The following IGSF9 variants were observed in gnomAD, a reference collection of about 807,000 sequenced individuals.
The protein encoded by IGSF9 is immunoglobulin superfamily member 9, also known as protein turtle homolog A.
IGSF9 carries 87 observed loss-of-function variants against 121.7 expected under a neutral mutation model. That is an observed-to-expected ratio of 0.71 (90% CI 0.60 to 0.85). IGSF9 has a LOEUF of 0.85. Ranked by LOEUF, IGSF9 falls within the 40% of genes least tolerant of loss-of-function variation. The pLI is 0.00. For synonymous variants in IGSF9, 640 were observed against 648.4 expected (o/e 0.99, Z 0.20); for missense variants, 1,462 against 1,565.3 (o/e 0.93, Z 1.11).
chr1:159,934,339 G>C lies in IGSF9; in HGVS notation c.962-7C>G, dbSNP rs546184038. 2 of 1,584,116 alleles carry C rather than the reference G, an allele frequency of 1.3e-6. No homozygotes were observed. Among genetic ancestry groups the C allele is most frequent in the Middle Eastern group, 3.3e-4 (2 of 6,010 alleles). ...GCTGTCACCTGGGCTGGGTCTGGGG[G>C]AAAGTAGTGGCAAGTTGGGGGAGAG... On this transcript the variant is annotated splice_polypyrimidine_tract_variant and splice_region_variant and intron_variant, in intron 8 of 20. Coordinates refer to ENST00000368094, the MANE Select transcript of IGSF9 (RefSeq NM_001135050.2).
In IGSF9 at chr1:159,927,048, A is replaced by C; in HGVS notation, c.*297T>G. The C allele has an allele frequency of 2.3e-5, 11 of 477,972 alleles. 1 individual carries two copies. In the South Asian group the frequency reaches 3.0e-4, roughly 13 times the overall value. The allele number at this position is 477,972 out of a possible 1,614,324, so 29.6% of individuals were successfully genotyped here. The stretch of plus-strand genomic sequence containing the variant: ...AGATAACACACAGAAACATCTTTCA[A>C]ACTTTGTTTATTCACCTGTAAAAAA... On this transcript the variant is annotated 3_prime_UTR_variant, in exon 21 of 21. Coordinates refer to ENST00000368094, the MANE Select transcript of IGSF9 (RefSeq NM_001135050.2).
Position 159,929,400 on chromosome 1 carries a change from G to A in IGSF9, c.2327-7C>T, listed in dbSNP as rs759165645. ...GAGAAGATAAGAGGTGGATCTGGAAGGGCATGAGAATAGTAGGTGACACAG... is the reference window on the plus strand; with the variant it reads ...GAGAAGATAAGAGGTGGATCTGGAAAGGCATGAGAATAGTAGGTGACACAG... On this transcript the variant is annotated splice_region_variant and splice_polypyrimidine_tract_variant and intron_variant, in intron 17 of 20. Coordinates refer to ENST00000368094, the MANE Select transcript of IGSF9 (RefSeq NM_001135050.2). 1.4e-5 allele frequency: 22 copies of A among 1,614,006 alleles called. No individual in the cohort carries two copies. The highest frequency in any genetic ancestry group is 1.6e-4 in the Middle Eastern group (1 of 6,078).
chr1:159,930,491 C>T (rs950708286), intron 14 of IGSF9, 52 bp from the exon 15 acceptor site: 1 of 1,518,362 alleles, frequency 6.6e-7, no homozygotes, highest in African/African-American at 1.4e-5. Flanking sequence ...CGCCCCTCCC[C>T]TGGCCTTCCA....
At chr1:159,940,240 G>A (rs983732397) in intron 3 of IGSF9, among the ~76,000 whole-genome samples, 4 of 152,236 alleles carry the variant, frequency 2.6e-5, no homozygotes, top group Non-Finnish European at 4.4e-5. Context: ...GGCACTGGGG[G>A]TAATCTATGT....
chr1:159,935,007 C>G (rs989936855), intron 6 of IGSF9, among the ~76,000 whole-genome samples, 185 bp from the exon 7 acceptor site: 2 of 152,168 alleles, frequency 1.3e-5, no homozygotes, highest in Non-Finnish European at 2.9e-5. Context: ...CTCCCTGAGA[C>G]CCATTCTTCT....
At position 159,934,802 on chromosome 1, in the gene IGSF9, GCAC is replaced by G; in HGVS notation, c.691_693del (p.Val231del). 6.2e-7 allele frequency: 1 copy of G among 1,614,128 alleles called. No homozygotes were observed. Among genetic ancestry groups the G allele is most frequent in the South Asian group, 1.1e-5 (1 of 91,084 alleles). On this transcript the variant is annotated inframe_deletion, in exon 7 of 21. Coordinates refer to ENST00000368094, the MANE Select transcript of IGSF9 (RefSeq NM_001135050.2). ...GCATTGACTGTGCTGTTCTTGGGGG[GCAC>G]CACGATGACTGGGGGTCCTGTGGGA...
chr1:159,927,475 C>T lies in IGSF9; in HGVS notation c.3410G>A (p.Gly1137Asp), dbSNP rs1045693563. Residue 1137 changes from glycine to aspartate, a missense_variant, in exon 21 of 21, where the codon GGC becomes GAC. This residue lies in a region of IGSF9 where 808 missense variants were observed against 815.2 expected (regional missense o/e 0.99). Transcript: ENST00000368094. ...GCLLNTAHVT[G>D]PEARCAALRE... ...AAGGGCAGCACAGCGGGCCTCAGGG[C>T]CAGTAACATGGGCAGTGTTCAGGAG... 6.2e-7 allele frequency: 1 copy of T among 1,614,094 alleles called. No homozygotes were observed. Among genetic ancestry groups the T allele is most frequent in the Non-Finnish European group, 8.5e-7 (1 of 1,180,018 alleles).
intron 6 of IGSF9, among the ~76,000 whole-genome samples, chr1:159,935,132 C>A (rs1373248469): frequency 1.3e-5 from 2 of 152,150 alleles, no homozygotes; most frequent in African/African-American, 4.8e-5. Context: ...CCATTTGTAT[C>A]CCTGCTTGTC....
intron 15 of IGSF9, 95 bp downstream of exon 15, chr1:159,930,094 G>A: frequency 1.3e-6 from 2 of 1,546,754 alleles, no homozygotes; most frequent in Non-Finnish European, 8.8e-7. Flanking sequence ...GAGGTGAAGA[G>A]CTCAAATCAA....
chr1:159,934,754 A>G lies in IGSF9; in HGVS notation c.742T>C (p.Cys248Arg). 1 of 1,614,190 alleles carries G rather than the reference A, an allele frequency of 6.2e-7. No homozygotes were observed. Among genetic ancestry groups the G allele is most frequent in the Non-Finnish European group, 8.5e-7 (1 of 1,180,024 alleles). The stretch of plus-strand genomic sequence containing the variant: ...TTAGCAGGGTATGCCTCAGCATGGC[A>G]GGCCAATGAAACATCCTGGGAGGCA... ...VNASQDVSLACHAEAYPANLT... is the reference protein window; with the variant it reads ...VNASQDVSLARHAEAYPANLT... Residue 248 changes from cysteine (C) to arginine (R), a missense_variant, in exon 7 of 21, where the codon TGC becomes CGC. By Grantham distance (180) the Cys-to-Arg change is radical. Coordinates refer to ENST00000368094, the MANE Select transcript of IGSF9 (RefSeq NM_001135050.2).
At chr1:159,935,767 G>A (rs1251723053) in intron 6 of IGSF9, among the ~76,000 whole-genome samples, 1 of 152,250 alleles carries the variant, frequency 6.6e-6, no homozygotes. Context: ...AGGCTCAGAG[G>A]CAGAGAGATT....
At position 159,934,801 on chromosome 1, in the gene IGSF9, G is replaced by T. The variant is rs773180717; in HGVS notation, c.695C>A (p.Pro232His). 1.5e-5 allele frequency: 25 copies of T among 1,614,128 alleles called. No individual in the cohort carries two copies. Among genetic ancestry groups the T allele is most frequent in the Non-Finnish European group, 1.4e-5 (17 of 1,179,992 alleles). ...GGCATTGACTGTGCTGTTCTTGGGG[G>T]GCACCACGATGACTGGGGGTCCTGT... is the stretch of plus-strand genomic sequence containing the variant. ...LVLGPPVIVV[P>H]PKNSTVNASQ... The change falls in exon 7 of 21, where the codon CCC becomes CAC. Residue 232 changes from proline (P) to histidine (H), a missense_variant. This residue lies in a region of IGSF9 where 558 missense variants were observed against 599.4 expected (regional missense o/e 0.93). Coordinates refer to ENST00000368094, the MANE Select transcript of IGSF9 (RefSeq NM_001135050.2).
At chr1:159,939,301 C>T (rs1651299564) in intron 3 of IGSF9, among the ~76,000 whole-genome samples, 1 of 152,158 alleles carries the variant, frequency 6.6e-6, no homozygotes, top group South Asian at 2.1e-4. Flanking sequence ...GATTGTAGCT[C>T]ACTGCAGCCT....
Position 159,932,109 on chromosome 1 carries a change from C to G in IGSF9, c.1246-181G>C. ...TCCATCTCTCAATTCCTCTCTGGCT[C>G]TGTTTCTGTTCCCCAGTGGGTAGGG... On this transcript the variant is annotated intron_variant, in intron 10 of 20. Coordinates refer to ENST00000368094, the MANE Select transcript of IGSF9 (RefSeq NM_001135050.2). The surrounding 1 kb of genome is among the most constrained non-coding windows in gnomAD (Gnocchi z 4.1). 1 of 579,384 alleles carries G rather than the reference C, an allele frequency of 1.7e-6. No homozygotes were observed. Among genetic ancestry groups the G allele is most frequent in the Admixed American group, 3.4e-5 (1 of 29,350 alleles). The allele number at this position is 579,384 out of a possible 1,614,324, so 35.9% of individuals were successfully genotyped here.
intron 1 of IGSF9, among the ~76,000 whole-genome samples, chr1:159,944,927 C>T (rs1021540268): frequency 6.6e-6 from 1 of 152,096 alleles, no homozygotes; most frequent in Non-Finnish European, 1.5e-5. Context: ...ATAGGAACCC[C>T]CTAGTTCTCT....
chr1:159,930,674 G>C lies in IGSF9; in HGVS notation c.1813+18C>G, dbSNP rs1301560152. The stretch of plus-strand genomic sequence containing the variant: ...CCCCATCCTTGTCTCTGCTGTTCTG[G>C]GACGAGAAGCTTCTCACCTTCCGGA... On this transcript the variant is annotated intron_variant, in intron 14 of 20. Coordinates refer to ENST00000368094, the MANE Select transcript of IGSF9 (RefSeq NM_001135050.2). The C allele has an allele frequency of 1.2e-6, 2 of 1,613,768 alleles. No individual in the cohort carries two copies. The highest frequency in any genetic ancestry group is 2.7e-5 in the African/African-American group (2 of 75,012).
At position 159,931,171 on chromosome 1, in the gene IGSF9, T is replaced by C; in HGVS notation, c.1604A>G (p.Tyr535Cys). ...GTACCAGACACTGAATCTCTGCAGA[T>C]AACCACCATCAAAGCCAGGCTCCCA... is the stretch of plus-strand genomic sequence containing the variant. Reference protein sequence around the residue: ...VSWEPGFDGGYLQRFSVWYTP... With the variant: ...VSWEPGFDGGCLQRFSVWYTP... The change falls in exon 13 of 21, where the codon TAT (tyrosine) becomes TGT (cysteine). Residue 535 changes from tyrosine (Y) to cysteine (C), a missense_variant. Tyr to Cys is a radical substitution (Grantham distance 194). Transcript: ENST00000368094. This position sits in a 1 kb window ranked among gnomAD's most constrained non-coding sequence, Gnocchi z 4.8. 1.2e-6 allele frequency: 2 copies of C among 1,614,070 alleles called. No homozygotes were observed. Among genetic ancestry groups the C allele is most frequent in the Non-Finnish European group, 1.7e-6 (2 of 1,179,986 alleles).
rs374216610 is a variant in IGSF9, at chr1:159,937,714, G to A, written c.372C>T (p.Asn124=). 5.0e-5 allele frequency: 81 copies of A among 1,613,942 alleles called. 1 individual carries two copies. The African/African-American group carries it at 6.1e-4, about 12-fold the overall frequency. Residue 124 remains asparagine, a synonymous_variant, in exon 4 of 21, where the codon AAC becomes AAT. Coordinates refer to ENST00000368094, the MANE Select transcript of IGSF9 (RefSeq NM_001135050.2). ...TGACTGTCAGATGCACCCAGGAGCC[G>A]TTAGCAAAATCGTCTTCAGGGATGT... ...DQHIPEDDFA[N]GSWVHLTVNS...
Position 159,931,869 on chromosome 1 carries a change from C to T in IGSF9, c.1305G>A (p.Glu435=). ...KEEYFQEVGR[E]LLIPCSAQGD... ...CTTGGGCGGAGCAGGGGATGAGCAG[C>T]TCCCGCCCTACTTCTTGGAAATATT... The change falls in exon 11 of 21, where the codon GAG becomes GAA. Residue 435 remains glutamate, a synonymous_variant. Transcript: ENST00000368094. This position sits in a 1 kb window ranked among gnomAD's most constrained non-coding sequence, Gnocchi z 4.8. 1 of 1,598,370 alleles carries T rather than the reference C, an allele frequency of 6.3e-7. No individual in the cohort carries two copies. Among genetic ancestry groups the T allele is most frequent in the Non-Finnish European group, 8.5e-7 (1 of 1,174,952 alleles).
Sources: gnomAD v4.1 joint callset for allele counts (sites outside exome capture counted in the v4.1 genomes callset) on GRCh38, gnomAD v4.1.1 for gene constraint, gnomAD v4.1.1 regional missense constraint, Gnocchi (gnomAD v3.1) non-coding constraint, MANE v1.5 for transcripts, NCBI Gene and HGNC (gene_info 2026-07-23, HGNC 2026-07-21) for gene names.